PARD3B: variants seen among roughly 807,000 people sequenced by gnomAD.
PARD3B encodes the protein partitioning defective 3 homolog B.
In PARD3B, 103 loss-of-function variants were observed where a neutral mutation model predicts 130.2. The ratio of observed to expected loss-of-function variants is 0.79; its 90% CI spans 0.67 to 0.93. The LOEUF is 0.93. Ranked by LOEUF, PARD3B falls within the 40% of genes least tolerant of loss-of-function variation. PARD3B has a pLI of 0.00. For synonymous variants in PARD3B, 583 were observed against 553.2 expected (o/e 1.05, Z -0.76); for missense variants, 1,609 against 1,499.2 (o/e 1.07, Z -1.21).
At chr2:205,225,325 C>G (rs1004960264) in intron 15 of PARD3B, among the ~76,000 whole-genome samples, 3 of 151,806 alleles carry the variant, frequency 2.0e-5, no homozygotes, top group African/African-American at 4.8e-5. Flanking sequence ...TGACATCTCA[C>G]TATAGTTTTG....
intron 1 of PARD3B, among the ~76,000 whole-genome samples, chr2:204,682,422 A>G (rs929290287): frequency 2.0e-5 from 3 of 152,316 alleles, no homozygotes; most frequent in Admixed American, 2.0e-4. Flanking sequence ...TAATCATACA[A>G]AACACATAGT....
At chr2:205,581,182 C>G (rs2053949298) in intron 22 of PARD3B, among the ~76,000 whole-genome samples, 1 of 149,464 alleles carries the variant, frequency 6.7e-6, no homozygotes, top group Non-Finnish European at 1.5e-5. Flanking sequence ...TGGAATCTAC[C>G]TAAGTGTCTA....
intron 2 of PARD3B, among the ~76,000 whole-genome samples, chr2:204,821,516 C>G (rs1440487692): frequency 3.8e-5 from 5 of 131,434 alleles, no homozygotes; most frequent in Non-Finnish European, 6.1e-5. Context: ...CGCATGGACA[C>G]AGGAAGGGGA....
intron 2 of PARD3B, among the ~76,000 whole-genome samples, chr2:204,735,726 G>A (rs2039716412): frequency 1.3e-5 from 2 of 152,088 alleles, no homozygotes; most frequent in South Asian, 4.1e-4. Context: ...TTGGTTAATT[G>A]TTTTGGTGTG....
intron 2 of PARD3B, among the ~76,000 whole-genome samples, chr2:204,925,393 A>T (rs557628684): frequency 6.6e-6 from 1 of 152,182 alleles, no homozygotes; most frequent in South Asian, 2.1e-4. Flanking sequence ...CATCACCACC[A>T]AGCATCCCAC....
rs1353365052 is a variant in PARD3B, at chr2:205,352,627, C to A, written c.2631-48386C>A. On this transcript the variant is annotated intron_variant, in intron 18 of 22. Transcript: ENST00000406610. This position sits in a 1 kb window ranked among gnomAD's most constrained non-coding sequence, Gnocchi z 5.2. ...AACCATTTTGGAGCAGATACACAGG[C>A]ATCAAATGAAGCTCTTTTGATGTGA... 6.6e-6 allele frequency among the ~76,000 whole-genome samples: 1 copy of A among 152,154 alleles called. No homozygotes were observed. The highest frequency in any genetic ancestry group is 1.5e-5 in the Non-Finnish European group (1 of 68,020).
intron 20 of PARD3B, among the ~76,000 whole-genome samples, chr2:205,453,689 C>A (rs1301846323): frequency 6.6e-6 from 1 of 152,004 alleles, no homozygotes; most frequent in Non-Finnish European, 1.5e-5. Context: ...CATGTTACAC[C>A]CTATTAGTAC....
At position 204,748,882 on chromosome 2, in the gene PARD3B, T is replaced by C. The variant is rs189097005; in HGVS notation, c.222+62600T>C. ...TTTTTCCTATATACCCATATCCTCA[T>C]TGAAAGTAGTTTTGACAGTAAATCT... On this transcript the variant is annotated intron_variant, in intron 2 of 22. Coordinates refer to ENST00000406610, the MANE Select transcript of PARD3B (RefSeq NM_001302769.2). Among the ~76,000 whole-genome samples, 98 of 152,276 alleles carry C rather than the reference T, an allele frequency of 6.4e-4. 1 individual carries two copies. The highest frequency in any genetic ancestry group is 6.8e-3 in the Middle Eastern group (2 of 294).
rs963403790 is a variant in PARD3B, at chr2:205,300,853, T to C, written c.2392+117T>C. 3 of 1,121,624 alleles carry C rather than the reference T, an allele frequency of 2.7e-6. No individual in the cohort carries two copies. The highest frequency in any genetic ancestry group is 3.7e-6 in the Non-Finnish European group (3 of 807,042). 69.5% of individuals were successfully genotyped at this position (1,121,624 alleles called of 1,614,324 possible). A position where few individuals can be genotyped will look rare whatever the true frequency, so the allele number is the denominator to read the frequency against. Reference sequence around the variant, plus strand: ...GATTTAAGGATCACAATTATATTTTTGATATTAAAAGTAATTCATTTTCCT... The same window carrying C: ...GATTTAAGGATCACAATTATATTTTCGATATTAAAAGTAATTCATTTTCCT... On this transcript the variant is annotated intron_variant, in intron 17 of 22. Coordinates refer to ENST00000406610, the MANE Select transcript of PARD3B (RefSeq NM_001302769.2). This position sits in a 1 kb window ranked among gnomAD's most constrained non-coding sequence, Gnocchi z 4.1.
intron 15 of PARD3B, among the ~76,000 whole-genome samples, chr2:205,206,021 G>A (rs894941271): frequency 6.6e-6 from 1 of 152,108 alleles, no homozygotes; most frequent in Non-Finnish European, 1.5e-5. Context: ...AGAAGGAATG[G>A]TATCAGCTCC....
intron 2 of PARD3B, among the ~76,000 whole-genome samples, chr2:204,764,180 G>A (rs906350747): frequency 3.9e-5 from 6 of 152,152 alleles, no homozygotes; most frequent in African/African-American, 1.4e-4. Flanking sequence ...AGGCTTTTAT[G>A]AGAAATCAGT....
intron 2 of PARD3B, among the ~76,000 whole-genome samples, chr2:204,818,814 C>A (rs1452602889): frequency 1.3e-5 from 2 of 152,118 alleles, no homozygotes; most frequent in Non-Finnish European, 2.9e-5. Flanking sequence ...TTGACAATAT[C>A]TTGTTATAGT....
intron 15 of PARD3B, among the ~76,000 whole-genome samples, chr2:205,204,808 A>G (rs943867133): frequency 1.1e-4 from 17 of 152,088 alleles, no homozygotes; most frequent in Admixed American, 6.6e-5. Context: ...ATTGGTCTAT[A>G]TATCTGTTTT....
At chr2:205,174,156 C>T (rs115997601) in intron 12 of PARD3B, among the ~76,000 whole-genome samples, 415 of 152,290 alleles carry the variant, frequency 2.7e-3, no homozygotes, top group African/African-American at 9.7e-3. Context: ...TTCCCCTTTA[C>T]TGCAGGTATT....
intron 2 of PARD3B, among the ~76,000 whole-genome samples, chr2:204,870,419 T>C (rs1175481279): frequency 6.6e-6 from 1 of 152,172 alleles, no homozygotes; most frequent in African/African-American, 2.4e-5. Context: ...TTTGGCATTG[T>C]GAGCAAGAGG....
intron 1 of PARD3B, among the ~76,000 whole-genome samples, chr2:204,582,979 G>T (rs2032641455): frequency 6.6e-6 from 1 of 151,980 alleles, no homozygotes; most frequent in African/African-American, 2.4e-5. Context: ...GAAACAACAG[G>T]TGCTGGAGAG....
rs75100273 is a variant in PARD3B at position 205,524,121 on chromosome 2, G to A, written c.3180+24090G>A. ...ACTTGTTTTCTCTATCTGGATCTTA[G>A]GGGCTTCTTTATTCACGATATTCCA... On this transcript the variant is annotated intron_variant, in intron 21 of 22. Coordinates refer to ENST00000406610, the MANE Select transcript of PARD3B (RefSeq NM_001302769.2). Among the ~76,000 whole-genome samples, 240 of 152,062 alleles carry A rather than the reference G, an allele frequency of 1.6e-3. 2 individuals are homozygous for A. The highest frequency in any genetic ancestry group is 0.01 in the Middle Eastern group (3 of 294).
chr2:205,566,892 C>T (rs146332122), intron 22 of PARD3B, among the ~76,000 whole-genome samples: 63 of 152,330 alleles, frequency 4.1e-4, no homozygotes, highest in African/African-American at 1.5e-3. Flanking sequence ...GCTTATCTAT[C>T]ACTGTCTTTG....
intron 3 of PARD3B, among the ~76,000 whole-genome samples, chr2:205,017,689 A>T (rs1256092752): frequency 1.3e-5 from 2 of 152,112 alleles, no homozygotes; most frequent in Non-Finnish European, 2.9e-5. Context: ...CATGTCAATG[A>T]CTTGCTTAAT....
Sources: allele counts gnomAD v4.1 joint callset (sites outside exome capture counted in the v4.1 genomes callset), GRCh38; gene constraint gnomAD v4.1.1; non-coding constraint Gnocchi (gnomAD v3.1); transcripts MANE v1.5; gene names NCBI Gene and HGNC (gene_info 2026-07-23, HGNC 2026-07-21).